Variants in ARID1B observed in about 807,000 individuals in gnomAD.
ARID1B encodes AT-rich interaction domain 1B, also known as AT-rich interactive domain-containing protein 1B.
A neutral mutation model predicts 212.3 loss-of-function variants in ARID1B; 30 were observed. The observed-to-expected ratio is 0.14, with a 90% CI of 0.11 to 0.19. ARID1B has a LOEUF of 0.19. Among genes scored for constraint, ARID1B ranks in the 10% least tolerant of loss-of-function variants. The pLI is 1.00. For synonymous variants in ARID1B, 1,402 were observed against 1,301.7 expected, an observed-to-expected ratio of 1.08 and a Z score of -1.66; for missense variants, 2,891 against 3,204.0, an observed-to-expected ratio of 0.90 and a Z score of 2.36.
chr6:157,100,000 T>C (rs1207724724), intron 5 of ARID1B, among the ~76,000 whole-genome samples: 1 of 152,114 alleles, frequency 6.6e-6, no homozygotes, highest in Non-Finnish European at 1.5e-5. Context: ...ATATTTTGGA[T>C]AAGGATTTAG....
At position 157,161,622 on chromosome 6, in the gene ARID1B, T is replaced by G. The variant is rs561458513; in HGVS notation, c.3090-5418T>G. On this transcript the variant is annotated intron_variant, in intron 8 of 19. Transcript: ENST00000636930. ...ATACATGTGTGAGAAGAGTTTGTGTTTATAAAACATTTTTTATAGGGCATC... is the reference window on the plus strand; with the variant it reads ...ATACATGTGTGAGAAGAGTTTGTGTGTATAAAACATTTTTTATAGGGCATC... 1.4e-3 allele frequency among the ~76,000 whole-genome samples: 213 copies of G among 152,156 alleles called. 2 individuals carry two copies. The highest frequency in any genetic ancestry group is 2.1e-3 in the Non-Finnish European group (140 of 68,032).
At chr6:157,028,484 T>C (rs1780809705) in intron 4 of ARID1B, among the ~76,000 whole-genome samples, 1 of 152,230 alleles carries the variant, frequency 6.6e-6, no homozygotes, top group African/African-American at 2.4e-5. Flanking sequence ...GTACTACCTG[T>C]TTTCAAAATG....
At position 157,091,574 on chromosome 6, in the gene ARID1B, C is replaced by G. The variant is rs565416900; in HGVS notation, c.2491+6669C>G. Among the ~76,000 whole-genome samples the G allele has an allele frequency of 4.6e-5, 7 of 152,274 alleles. No individual in the cohort carries two copies. The South Asian group carries it at 1.5e-3, about 32-fold the overall frequency. ...GGAGTTAGTCATAGTCCAGAGTGAA[C>G]AGGAAGGATTCCAGTGAGAGGAAAT... is the stretch of plus-strand genomic sequence containing the variant. On this transcript the variant is annotated intron_variant, in intron 5 of 19. Transcript: ENST00000636930.
intron 4 of ARID1B, chr6:156,984,593 G>A (rs1777809025): frequency 6.6e-6 from 1 of 152,256 alleles, no homozygotes; most frequent in African/African-American, 2.4e-5. Flanking sequence ...TGGGGTAGTG[G>A]GTGGGGTGCA....
intron 2 of ARID1B, among the ~76,000 whole-genome samples, chr6:156,838,213 A>G (rs1036794123): frequency 2.0e-5 from 3 of 152,200 alleles, no homozygotes; most frequent in Non-Finnish European, 4.4e-5. Context: ...CAAGGATCCA[A>G]GTCAAGATCT....
chr6:157,027,686 T>C (rs895661315), intron 4 of ARID1B, among the ~76,000 whole-genome samples: 1 of 152,242 alleles, frequency 6.6e-6, no homozygotes, highest in Non-Finnish European at 1.5e-5. Flanking sequence ...ACCTAATCAA[T>C]AAAGTCATCT....
intron 4 of ARID1B, among the ~76,000 whole-genome samples, chr6:157,009,380 A>G (rs1779430125): frequency 6.6e-6 from 1 of 152,196 alleles, no homozygotes; most frequent in East Asian, 1.9e-4. Flanking sequence ...GGAAGAGATG[A>G]CTAGAGGCAG....
intron 2 of ARID1B, among the ~76,000 whole-genome samples, chr6:156,874,213 C>T (rs999292374): frequency 2.0e-5 from 3 of 152,056 alleles, no homozygotes; most frequent in Non-Finnish European, 2.9e-5. Flanking sequence ...AATAGATGTG[C>T]GCCACCACAC....
At chr6:156,894,286 C>CGGGGGGTTGGGATGGGGGCTG (rs1788204217) in intron 2 of ARID1B, among the ~76,000 whole-genome samples, 5 of 24,148 alleles carry the variant, frequency 2.1e-4, no homozygotes, top group South Asian at 2.7e-3. Context: ...GGATGGGGGC[C>CGGGGGGTTGGGATGGGGGCTG]GGGGGGTTGG....
At chr6:156,915,103 G>A (rs539404530) in intron 3 of ARID1B, among the ~76,000 whole-genome samples, 46 of 152,302 alleles carry the variant, frequency 3.0e-4, no homozygotes, top group Non-Finnish European at 5.3e-4. Context: ...ACTTTACAGT[G>A]TTGAAGAAGG....
chr6:156,980,334 T>A (rs1287901584), intron 4 of ARID1B, among the ~76,000 whole-genome samples: 1 of 151,876 alleles, frequency 6.6e-6, no homozygotes, highest in East Asian at 1.9e-4. Flanking sequence ...AATACAAAAA[T>A]TAGCCGGGCG....
At chr6:157,187,284 TAA>T (rs1394676108) in intron 13 of ARID1B, among the ~76,000 whole-genome samples, 2 of 152,162 alleles carry the variant, frequency 1.3e-5, no homozygotes, top group African/African-American at 4.8e-5. Flanking sequence ...ATTCGGTTAA[TAA>T]GTCTGTAACC....
chr6:156,978,324 A>G (rs1248332298), intron 4 of ARID1B, among the ~76,000 whole-genome samples: 1 of 152,210 alleles, frequency 6.6e-6, no homozygotes, highest in African/African-American at 2.4e-5. Context: ...TCAGGGACCA[A>G]GATCCTTGTT....
rs534296996 is a variant in ARID1B, at chr6:157,189,583, T to A, written c.3920-59T>A. 21 of 1,537,304 alleles carry A rather than the reference T, an allele frequency of 1.4e-5. No individual in the cohort carries two copies. The African/African-American group carries it at 2.6e-4, about 19-fold the overall frequency. On this transcript the variant is annotated intron_variant, in intron 13 of 19. Transcript: ENST00000636930. ...TCATCTGTATAACTAGCAAGGCAGC[T>A]GGGCTTACTTGATAATCTCTGGATT...
rs1425710377 is a variant in ARID1B at position 157,208,763 on chromosome 6, T to C, written c.*872T>C. ...CAAAGTTTTAGTTTCTTTTTCATGA[T>C]GTGGTAACTACGAAGTGATGGTAGA... On this transcript the variant is annotated 3_prime_UTR_variant, in exon 20 of 20. Coordinates refer to ENST00000636930, the MANE Select transcript of ARID1B (RefSeq NM_001374828.1). The C allele has an allele frequency of 8.9e-6, 2 of 225,762 alleles. No homozygotes were observed. Among genetic ancestry groups the C allele is most frequent in the African/African-American group, 4.5e-5 (2 of 44,426 alleles). The allele number at this position is 225,762 out of a possible 1,614,324, so 14.0% of individuals were successfully genotyped here.
chr6:156,823,464 G>A (rs142822712), intron 1 of ARID1B, among the ~76,000 whole-genome samples: 5 of 152,200 alleles, frequency 3.3e-5, no homozygotes, highest in Admixed American at 3.3e-4. Flanking sequence ...AGTGCCATTC[G>A]GTACACAGCT....
At chr6:157,026,694 T>C (rs1322476990) in intron 4 of ARID1B, among the ~76,000 whole-genome samples, 1 of 152,162 alleles carries the variant, frequency 6.6e-6, no homozygotes, top group Admixed American at 6.5e-5. Context: ...CCTTTTTATT[T>C]TTGAGATGGG....
Position 156,777,992 on chromosome 6 carries a change from C to T in ARID1B, c.312C>T (p.Ser104=). ...CCCACAGCGCCAAGAGCGGCGGCTC[C>T]GAGGCGGCTCTCAAGGAGGGTGGAA... ...AGTHSAKSGG[S]EAALKEGGSA... The change falls in exon 1 of 20, where the codon TCC becomes TCT. Residue 104 remains serine (S), a synonymous_variant. Coordinates refer to ENST00000636930, the MANE Select transcript of ARID1B (RefSeq NM_001374828.1). 2 of 1,531,480 alleles carry T rather than the reference C, an allele frequency of 1.3e-6. No individual in the cohort carries two copies. The highest frequency in any genetic ancestry group is 1.7e-6 in the Non-Finnish European group (2 of 1,144,820). The allele number at this position is 1,531,480 out of a possible 1,614,324, so 94.9% of individuals were successfully genotyped here. A position where few individuals can be genotyped will look rare whatever the true frequency, so the allele number is the denominator to read the frequency against.
intron 4 of ARID1B, among the ~76,000 whole-genome samples, chr6:157,039,670 C>CTTTCT (rs1781632121): frequency 1.1e-4 from 6 of 55,306 alleles, no homozygotes; most frequent in African/African-American, 5.6e-4. Context: ...TCCTTCCTTC[C>CTTTCT]TTCCTTCCTT....
Sources: gnomAD v4.1 joint callset for allele counts (sites outside exome capture counted in the v4.1 genomes callset) on GRCh38, gnomAD v4.1.1 for gene constraint, MANE v1.5 for transcripts, NCBI Gene and HGNC (gene_info 2026-07-23, HGNC 2026-07-21) for gene names.